The following MIOS variants were observed in gnomAD, a reference collection of about 807,000 sequenced individuals.
MIOS encodes GATOR2 complex protein MIOS.
Under a neutral mutation model 96.9 loss-of-function variants are expected in MIOS, and 52 were observed. The ratio of observed to expected loss-of-function variants is 0.54; its 90% CI spans 0.43 to 0.68. The LOEUF (loss-of-function observed/expected upper bound fraction) is 0.68, where lower values mean the gene tolerates loss of function less well. MIOS is among the 30% of genes least tolerant of loss of function. The pLI is 0.00. For missense variants in MIOS, 1,005 were observed against 1,052.8 expected, an observed-to-expected ratio of 0.95 and a Z score of 0.63; for synonymous variants, 397 against 359.5, an observed-to-expected ratio of 1.10 and a Z score of -1.18.
At position 7,607,302 on chromosome 7, in the gene MIOS, C is replaced by T; in HGVS notation, c.*210C>T. 2.2e-6 allele frequency: 1 copy of T among 447,014 alleles called. No homozygotes were observed. Among genetic ancestry groups the T allele is most frequent in the Non-Finnish European group, 3.9e-6 (1 of 253,798 alleles). 27.7% of individuals were successfully genotyped at this position (447,014 alleles called of 1,614,324 possible). ...GCCAAAATAAACATCGAAGTATAGA[C>T]ATGAGTTCTGTTCAGCAGGTTGAAA... On this transcript the variant is annotated 3_prime_UTR_variant, in exon 13 of 13. Coordinates refer to ENST00000340080, the MANE Select transcript of MIOS (RefSeq NM_019005.4).
chr7:7,580,494 A>T (rs6973374), intron 5 of MIOS, among the ~76,000 whole-genome samples: 150,831 of 152,302 alleles, frequency 0.99, 74,690 homozygotes, highest in East Asian at 1. Flanking sequence ...TATTTAACTA[A>T]TTTTTGTATT....
chr7:7,577,907 A>G (rs916352610), intron 5 of MIOS, among the ~76,000 whole-genome samples: 3 of 152,186 alleles, frequency 2.0e-5, no homozygotes, highest in East Asian at 1.9e-4. Context: ...CAAGATAATT[A>G]AATATATTGG....
intron 11 of MIOS, among the ~76,000 whole-genome samples, chr7:7,603,072 A>G (rs899757104): frequency 6.6e-6 from 1 of 152,194 alleles, no homozygotes; most frequent in African/African-American, 2.4e-5. Flanking sequence ...AATTAATTCA[A>G]GATGGATTAA....
chr7:7,607,630 A>T lies in MIOS; in HGVS notation c.*538A>T, dbSNP rs538250352. 1 of 152,292 alleles carries T rather than the reference A, an allele frequency of 6.6e-6. No homozygotes were observed. Among genetic ancestry groups the T allele is most frequent in the Non-Finnish European group, 1.5e-5 (1 of 68,174 alleles). 9.4% of individuals were successfully genotyped at this position (152,292 alleles called of 1,614,324 possible). ...TATTTTTTATTACTGTCTGTTATAT[A>T]TGTGTCTATGTGTGTGTGTATATTT... On this transcript the variant is annotated 3_prime_UTR_variant, in exon 13 of 13. Coordinates refer to ENST00000340080, the MANE Select transcript of MIOS (RefSeq NM_019005.4).
At position 7,573,417 on chromosome 7, in the gene MIOS, T is replaced by G; in HGVS notation, c.942T>G (p.Ile314Met). The change falls in exon 4 of 13, where the codon ATT (isoleucine) becomes ATG (methionine). Residue 314 changes from isoleucine to methionine, a missense_variant. By Grantham distance (10) the Ile-to-Met change is conservative. Coordinates refer to ENST00000340080, the MANE Select transcript of MIOS (RefSeq NM_019005.4). This position sits in a 1 kb window ranked among gnomAD's most constrained non-coding sequence, Gnocchi z 5.0. ...GGGATGAAACTGAACCCACAATAATTGAAAGAAGTGTGCAACCTTGTGACA... is the reference window on the plus strand; with the variant it reads ...GGGATGAAACTGAACCCACAATAATGGAAAGAAGTGTGCAACCTTGTGACA... ...PIGDETEPTI[I>M]ERSVQPCDNY... The G allele has an allele frequency of 6.2e-7, 1 of 1,614,110 alleles. No individual in the cohort carries two copies. Among genetic ancestry groups the G allele is most frequent in the Non-Finnish European group, 8.5e-7 (1 of 1,179,956 alleles).
Position 7,573,574 on chromosome 7 carries a change from ATGTGGGCTTGTGG to A in MIOS, c.1101_1113del (p.Met367IlefsTer16). On this transcript the variant is annotated frameshift_variant, in exon 4 of 13. Transcript: ENST00000340080. LOFTEE classifies it high-confidence loss of function. The surrounding 1 kb of genome is among the most constrained non-coding windows in gnomAD (Gnocchi z 5.0). ...TGCCTGGAGCCCAATTACATCTTTA[ATGTGGGCTTGTGG>A]TCGTCATTTATATGAATGTACGGAA... The A allele has an allele frequency of 6.2e-7, 1 of 1,614,088 alleles. No homozygotes were observed. Among genetic ancestry groups the A allele is most frequent in the Non-Finnish European group, 8.5e-7 (1 of 1,179,940 alleles).
At chr7:7,576,010 TTG>T (rs1783520408) in intron 5 of MIOS, among the ~76,000 whole-genome samples, 1 of 152,176 alleles carries the variant, frequency 6.6e-6, no homozygotes, top group South Asian at 2.1e-4. Flanking sequence ...TTTCCTCTAA[TTG>T]TATCTCTAAT....
intron 3 of MIOS, among the ~76,000 whole-genome samples, chr7:7,570,781 C>T (rs1229762153): frequency 2.0e-5 from 3 of 152,156 alleles, no homozygotes; most frequent in Non-Finnish European, 4.4e-5. Context: ...GGAGGCGGAG[C>T]TCAGGCAGCA....
chr7:7,603,752 C>G (rs1237445950), intron 11 of MIOS, among the ~76,000 whole-genome samples: 1 of 152,084 alleles, frequency 6.6e-6, no homozygotes, highest in African/African-American at 2.4e-5. Flanking sequence ...GCTATAAAGA[C>G]ACATGCACAC....
At chr7:7,604,572 A>C (rs1415883417) in intron 11 of MIOS, among the ~76,000 whole-genome samples, 1 of 152,222 alleles carries the variant, frequency 6.6e-6, no homozygotes, top group Admixed American at 6.5e-5. Context: ...TAAAAGTTAG[A>C]TTATCTACTG....
intron 10 of MIOS, 34 bp downstream of exon 10, chr7:7,595,166 A>G: frequency 6.3e-7 from 1 of 1,584,270 alleles, no homozygotes; most frequent in Non-Finnish European, 8.6e-7. Context: ...ATCAAATTGT[A>G]ACATGTTGAT....
In MIOS at chr7:7,577,417, T is replaced by C. The variant is rs114877407; in HGVS notation, c.1393+3221T>C. 9.4e-3 allele frequency among the ~76,000 whole-genome samples: 1,424 copies of C among 152,284 alleles called. 25 individuals are homozygous for C. The highest frequency in any genetic ancestry group is 0.032 in the African/African-American group (1,328 of 41,550). ...AAGTAATCAATTATAAATACTTTTT[T>C]TGAAGGAATTTGACTATATAAAGGA... is the stretch of plus-strand genomic sequence containing the variant. On this transcript the variant is annotated intron_variant, in intron 5 of 12. Transcript: ENST00000340080.
chr7:7,580,120 C>G (rs1338847967), intron 5 of MIOS, among the ~76,000 whole-genome samples: 11 of 152,162 alleles, frequency 7.2e-5, no homozygotes, highest in Admixed American at 7.2e-4. Flanking sequence ...AAATACACAC[C>G]TTATAATACA....
intron 3 of MIOS, among the ~76,000 whole-genome samples, chr7:7,570,914 A>G (rs897969559): frequency 2.0e-5 from 3 of 152,152 alleles, no homozygotes; most frequent in Admixed American, 1.3e-4. Context: ...CGGCCCTGGG[A>G]GTTGGGGACC....
At position 7,573,961 on chromosome 7, in the gene MIOS, G is replaced by C. The variant is rs10244757; in HGVS notation, c.1295-137G>C. The stretch of plus-strand genomic sequence containing the variant: ...TGCTTTGTAGATTGTGTAGGAGGAA[G>C]AAAAGTGTATCTCTGCAATAGAGTC... On this transcript the variant is annotated intron_variant, in intron 4 of 12. Coordinates refer to ENST00000340080, the MANE Select transcript of MIOS (RefSeq NM_019005.4). This position sits in a 1 kb window ranked among gnomAD's most constrained non-coding sequence, Gnocchi z 5.0. The C allele has an allele frequency of 3.3e-3, 2,925 of 883,544 alleles. 51 individuals are homozygous for C. In the African/African-American group the frequency reaches 0.042, roughly 13 times the overall value. The allele number at this position is 883,544 out of a possible 1,614,324, so 54.7% of individuals were successfully genotyped here.
chr7:7,607,640 G>A lies in MIOS; in HGVS notation c.*548G>A, dbSNP rs550150552. ...TACTGTCTGTTATATATGTGTCTAT[G>A]TGTGTGTGTATATTTATGTGTGTAT... On this transcript the variant is annotated 3_prime_UTR_variant, in exon 13 of 13. Transcript: ENST00000340080. 6.6e-6 allele frequency: 1 copy of A among 150,972 alleles called. No homozygotes were observed. The highest frequency in any genetic ancestry group is 1.5e-5 in the Non-Finnish European group (1 of 67,180). The allele number at this position is 150,972 out of a possible 1,614,324, so 9.4% of individuals were successfully genotyped here.
intron 11 of MIOS, among the ~76,000 whole-genome samples, chr7:7,602,910 A>G (rs1361611342): frequency 2.6e-5 from 4 of 152,186 alleles, no homozygotes; most frequent in African/African-American, 9.7e-5. Flanking sequence ...CTCAGAAATA[A>G]TGCCACCTAT....
chr7:7,577,980 A>G (rs1046102484), intron 5 of MIOS, among the ~76,000 whole-genome samples: 15 of 152,208 alleles, frequency 9.9e-5, no homozygotes, highest in Non-Finnish European at 1.9e-4. Flanking sequence ...TGAAGACAGG[A>G]TAAGACTGAT....
At chr7:7,585,913 G>A in intron 7 of MIOS, 108 bp downstream of exon 7, 1 of 1,023,490 alleles carries the variant, frequency 9.8e-7, no homozygotes, top group East Asian at 3.0e-5. Flanking sequence ...ATATTTTTAT[G>A]CATATGTTAT....
Sources: gnomAD v4.1 joint callset for allele counts (sites outside exome capture counted in the v4.1 genomes callset) on GRCh38, gnomAD v4.1.1 for gene constraint, Gnocchi (gnomAD v3.1) non-coding constraint, MANE v1.5 for transcripts, NCBI Gene and HGNC (gene_info 2026-07-23, HGNC 2026-07-21) for gene names.